Variants in LEP observed in about 807,000 individuals in gnomAD.
LEP encodes the protein leptin (murine obesity homolog).
In LEP, 6 loss-of-function variants were observed where a neutral mutation model predicts 9.8. That is an observed-to-expected ratio of 0.61 (90% confidence interval 0.34 to 1.21). LEP has a LOEUF of 1.21. LEP is among the 50% of genes most tolerant of loss of function. The probability of loss-of-function intolerance (pLI) is 0.04; values close to 1 mark genes in which losing one functional copy is unlikely to be tolerated. For missense variants in LEP, 134 were observed against 198.1 expected (o/e 0.68, Z 1.94); for synonymous variants, 112 against 81.7 (o/e 1.37, Z -2.00).
intron 1 of LEP, among the ~76,000 whole-genome samples, chr7:128,246,054 G>C (rs556571059): frequency 8.6e-5 from 13 of 151,132 alleles, no homozygotes; most frequent in Non-Finnish European, 1.9e-4. Flanking sequence ...CTGGGCAACA[G>C]AGCAAGACTC....
At position 128,254,607 on chromosome 7, in the gene LEP, C is replaced by T. The variant is rs202017228; in HGVS notation, c.348C>T (p.Ser116=). 6.2e-7 allele frequency: 1 copy of T among 1,614,190 alleles called. No homozygotes were observed. Among genetic ancestry groups the T allele is most frequent in the Non-Finnish European group, 8.5e-7 (1 of 1,180,024 alleles). ...TTCACGTGCTGGCCTTCTCTAAGAGCTGCCACTTGCCCTGGGCCAGTGGCC... is the reference window on the plus strand; with the variant it reads ...TTCACGTGCTGGCCTTCTCTAAGAGTTGCCACTTGCCCTGGGCCAGTGGCC... ...DLLHVLAFSK[S]CHLPWASGLE... Residue 116 remains serine (S), a synonymous_variant, in exon 3 of 3, where the codon AGC becomes AGT. Transcript: ENST00000308868.
In LEP at chr7:128,254,984, G is replaced by T; in HGVS notation, c.*221G>T. On this transcript the variant is annotated 3_prime_UTR_variant, in exon 3 of 3. Transcript: ENST00000308868. The stretch of plus-strand genomic sequence containing the variant: ...ACAGGATCCTATTCTCACCAGGAAG[G>T]GGGTCCACCCAGCAAAGAGTGGGCT... The T allele has an allele frequency of 1.8e-6, 1 of 568,798 alleles. No homozygotes were observed. The highest frequency in any genetic ancestry group is 3.2e-6 in the Non-Finnish European group (1 of 316,824). 35.2% of individuals were successfully genotyped at this position (568,798 alleles called of 1,614,324 possible).
At chr7:128,243,805 T>C (rs1315807594) in intron 1 of LEP, among the ~76,000 whole-genome samples, 3 of 152,162 alleles carry the variant, frequency 2.0e-5, no homozygotes, top group African/African-American at 4.8e-5. Flanking sequence ...GCAACAGATA[T>C]TTAACGAAGC....
At chr7:128,251,041 T>C (rs28954103) in intron 1 of LEP, among the ~76,000 whole-genome samples, 2 of 152,316 alleles carry the variant, frequency 1.3e-5, no homozygotes, top group Non-Finnish European at 2.9e-5. Context: ...CCCGCCACCA[T>C]GTCTTTATAC....
In LEP at chr7:128,256,887, G is replaced by A. The variant is rs1403930153; in HGVS notation, c.*2124G>A. ...AGGAGTTTCGAGGTAGAGTTTGAAG[G>A]AGGTGAGGGATGTGAATTGCCTGCA... On this transcript the variant is annotated 3_prime_UTR_variant, in exon 3 of 3. Coordinates refer to ENST00000308868, the MANE Select transcript of LEP (RefSeq NM_000230.3). 1 of 152,326 alleles carries A rather than the reference G, an allele frequency of 6.6e-6. No homozygotes were observed. Among genetic ancestry groups the A allele is most frequent in the Non-Finnish European group, 1.5e-5 (1 of 68,120 alleles). The allele number at this position is 152,326 out of a possible 1,614,324, so 9.4% of individuals were successfully genotyped here. A position where few individuals can be genotyped will look rare whatever the true frequency, so the allele number is the denominator to read the frequency against.
At chr7:128,250,759 C>T (rs1201878407) in intron 1 of LEP, among the ~76,000 whole-genome samples, 1 of 152,068 alleles carries the variant, frequency 6.6e-6, no homozygotes, top group Non-Finnish European at 1.5e-5. Flanking sequence ...AGGAAGAACA[C>T]GAAAAGCGGA....
chr7:128,241,599 G>C (rs1348788657), intron 1 of LEP, among the ~76,000 whole-genome samples: 1 of 152,240 alleles, frequency 6.6e-6, no homozygotes, highest in East Asian at 1.9e-4. Context: ...GGCATTCGCA[G>C]AGCTGAGATG....
At position 128,252,004 on chromosome 7, in the gene LEP, A is replaced by G. The variant is rs748355602; in HGVS notation, c.-15A>G. The G allele has an allele frequency of 3.7e-6, 6 of 1,614,126 alleles. No individual in the cohort carries two copies. Among genetic ancestry groups the G allele is most frequent in the Admixed American group, 3.3e-5 (2 of 60,022 alleles). ...TTCTGTTTTCAGGCCCAAGAAGCCCATCCTGGGAAGGAAAATGCATTGGGG... is the reference window on the plus strand; with the variant it reads ...TTCTGTTTTCAGGCCCAAGAAGCCCGTCCTGGGAAGGAAAATGCATTGGGG... On this transcript the variant is annotated 5_prime_UTR_variant, in exon 2 of 3. Coordinates refer to ENST00000308868, the MANE Select transcript of LEP (RefSeq NM_000230.3).
At position 128,254,544 on chromosome 7, in the gene LEP, C is replaced by A. The variant is rs200061184; in HGVS notation, c.285C>A (p.Ile95=). Residue 95 remains isoleucine, a synonymous_variant, in exon 3 of 3, where the codon ATC becomes ATA. Transcript: ENST00000308868. ...ILTSMPSRNV[I]QISNDLENLR... is the part of the protein sequence containing the mutation. ...CCAGTATGCCTTCCAGAAACGTGAT[C>A]CAAATATCCAACGACCTGGAGAACC... 1 of 1,614,182 alleles carries A rather than the reference C, an allele frequency of 6.2e-7. No individual in the cohort carries two copies. Among genetic ancestry groups the A allele is most frequent in the Non-Finnish European group, 8.5e-7 (1 of 1,180,016 alleles).
intron 1 of LEP, among the ~76,000 whole-genome samples, chr7:128,245,038 GTA>G (rs1485230876): frequency 6.6e-6 from 1 of 152,122 alleles, no homozygotes; most frequent in Non-Finnish European, 1.5e-5. Context: ...CAAGGGTTGT[GTA>G]TGTGTGTGTG....
chr7:128,254,581 C>T lies in LEP; in HGVS notation c.322C>T (p.Leu108Phe). The stretch of plus-strand genomic sequence containing the variant: ...CGACCTGGAGAACCTCCGGGATCTT[C>T]TTCACGTGCTGGCCTTCTCTAAGAG... ...SNDLENLRDL[L>F]HVLAFSKSCH... The change falls in exon 3 of 3, where the codon CTT becomes TTT. Residue 108 changes from leucine (L) to phenylalanine (F), a missense_variant. Coordinates refer to ENST00000308868, the MANE Select transcript of LEP (RefSeq NM_000230.3). 1 of 1,614,202 alleles carries T rather than the reference C, an allele frequency of 6.2e-7. No homozygotes were observed. Among genetic ancestry groups the T allele is most frequent in the Non-Finnish European group, 8.5e-7 (1 of 1,180,016 alleles).
chr7:128,244,249 AC>A (rs1795185097), intron 1 of LEP, among the ~76,000 whole-genome samples: 1 of 1,772 alleles, frequency 5.6e-4, no homozygotes, highest in Non-Finnish European at 2.5e-3. Context: ...AGACCCTGAC[AC>A]ACACACACAC....
intron 2 of LEP, among the ~76,000 whole-genome samples, chr7:128,254,039 A>T (rs1176768641): frequency 1.3e-5 from 2 of 151,854 alleles, no homozygotes; most frequent in African/African-American, 4.8e-5. Flanking sequence ...GGGACTAGGG[A>T]AGGCTGGGGG....
chr7:128,245,241 C>T lies in LEP; in HGVS notation c.-29+3935C>T, dbSNP rs1338184075. Reference sequence around the variant, plus strand: ...GAGCTTGGCCTGGAATGCCCTGCTTCCCCTCTTTCCCCTGGGGAACGCCTG... The same window carrying T: ...GAGCTTGGCCTGGAATGCCCTGCTTTCCCTCTTTCCCCTGGGGAACGCCTG... On this transcript the variant is annotated intron_variant, in intron 1 of 2. Transcript: ENST00000308868. 2.6e-5 allele frequency among the ~76,000 whole-genome samples: 4 copies of T among 152,280 alleles called. No homozygotes were observed. The East Asian group carries it at 7.8e-4, about 30-fold the overall frequency.
chr7:128,254,751 C>T lies in LEP; in HGVS notation c.492C>T (p.Ser164=), dbSNP rs200819049. 175 of 1,610,168 alleles carry T rather than the reference C, an allele frequency of 1.1e-4. 1 individual carries two copies. The highest frequency in any genetic ancestry group is 5.1e-4 in the Middle Eastern group (3 of 5,842). Residue 164 remains serine, a synonymous_variant, in exon 3 of 3, where the codon AGC becomes AGT. Coordinates refer to ENST00000308868, the MANE Select transcript of LEP (RefSeq NM_000230.3). The stretch of plus-strand genomic sequence containing the variant: ...ACATGCTGTGGCAGCTGGACCTCAG[C>T]CCTGGGTGCTGAGGCCTTGAAGGTC... ...LQDMLWQLDL[S]PGC is the part of the protein sequence containing the mutation.
chr7:128,242,513 T>C (rs1795163143), intron 1 of LEP, among the ~76,000 whole-genome samples: 1 of 152,196 alleles, frequency 6.6e-6, no homozygotes, highest in African/African-American at 2.4e-5. Context: ...ACACTGATCA[T>C]TTCTCTCACT....
chr7:128,253,956 C>T (rs1211319458), intron 2 of LEP, among the ~76,000 whole-genome samples: 8 of 151,386 alleles, frequency 5.3e-5, no homozygotes, highest in South Asian at 4.2e-4. Flanking sequence ...ACTGAGGGTA[C>T]GGCCTTGATC....
intron 2 of LEP, among the ~76,000 whole-genome samples, chr7:128,252,546 A>C (rs1009538592): frequency 3.9e-5 from 6 of 152,140 alleles, no homozygotes; most frequent in African/African-American, 1.2e-4. Context: ...CCTGGGCAGC[A>C]TAGGGAGACC....
At position 128,257,621 on chromosome 7, in the gene LEP, GC is replaced by G. The variant is rs1445015331; in HGVS notation, c.*2863del. 3 of 150,280 alleles carry G rather than the reference GC, an allele frequency of 2.0e-5. No individual in the cohort carries two copies. The East Asian group carries it at 5.9e-4, about 29-fold the overall frequency. 9.3% of individuals were successfully genotyped at this position (150,280 alleles called of 1,614,324 possible). ...AAAAAAATCTAAATAAAATAACTTT[GC>G]CCCCTGCTCTTTGTTTCCTGTCGCC... On this transcript the variant is annotated 3_prime_UTR_variant, in exon 3 of 3. Coordinates refer to ENST00000308868, the MANE Select transcript of LEP (RefSeq NM_000230.3).
Sources: gnomAD v4.1 joint callset for allele counts (sites outside exome capture counted in the v4.1 genomes callset) on GRCh38, gnomAD v4.1.1 for gene constraint, MANE v1.5 for transcripts, NCBI Gene and HGNC (gene_info 2026-07-23, HGNC 2026-07-21) for gene names.